Variants in USP32 observed in about 807,000 individuals in gnomAD.
USP32 encodes ubiquitin carboxyl-terminal hydrolase 32.
Under a neutral mutation model 204.8 loss-of-function variants are expected in USP32, and 59 were observed. That is an observed-to-expected ratio of 0.29 (90% CI 0.23 to 0.36). The LOEUF is 0.36. Among genes scored for constraint, USP32 ranks in the 10% least tolerant of loss-of-function variants. The pLI, the probability that USP32 is intolerant of heterozygous loss-of-function variation, is 1.00. For synonymous variants in USP32, 517 were observed against 678.4 expected (o/e 0.76, Z 3.70); for missense variants, 1,160 against 1,946.4 (o/e 0.60, Z 7.60).
rs879912809 is a variant in USP32 at position 60,359,869 on chromosome 17, A to ATT, written c.59-14263_59-14262dup. Among the ~76,000 whole-genome samples the ATT allele has an allele frequency of 4.4e-4, 62 of 142,060 alleles. 1 individual carries two copies. The East Asian group carries it at 0.011, about 25-fold the overall frequency. 93.2% of individuals were successfully genotyped at this position (142,060 alleles called of 152,430 possible). A position where few individuals can be genotyped will look rare whatever the true frequency, so the allele number is the denominator to read the frequency against. On this transcript the variant is annotated intron_variant, in intron 1 of 33. Coordinates refer to ENST00000300896, the MANE Select transcript of USP32 (RefSeq NM_032582.4). ...ACATGACAATGTTTGTAAGACAAAGATTTTTTTTTTTTTTTTGAGATGGAG... is the reference window on the plus strand; with the variant it reads ...ACATGACAATGTTTGTAAGACAAAGATTTTTTTTTTTTTTTTTTGAGATGGAG...
At chr17:60,291,234 T>G (rs1042240780) in intron 4 of USP32, among the ~76,000 whole-genome samples, 2 of 152,196 alleles carry the variant, frequency 1.3e-5, no homozygotes, top group African/African-American at 4.8e-5. Context: ...TTGGGAATCA[T>G]TCCACATAAC....
At chr17:60,204,466 C>CTTT (rs748141290) in intron 26 of USP32, among the ~76,000 whole-genome samples, 22 of 129,410 alleles carry the variant, frequency 1.7e-4, no homozygotes, top group African/African-American at 5.1e-4. Flanking sequence ...TTAGGAGATA[C>CTTT]TTTTTTTTTT....
intron 11 of USP32, among the ~76,000 whole-genome samples, chr17:60,248,497 A>G (rs943218595): frequency 6.6e-6 from 1 of 152,148 alleles, no homozygotes; most frequent in Non-Finnish European, 1.5e-5. Flanking sequence ...ATATTTTGGT[A>G]GACTTGATCA....
chr17:60,400,756 C>T (rs2089928874), intron 1 of USP32, among the ~76,000 whole-genome samples: 1 of 152,176 alleles, frequency 6.6e-6, no homozygotes, highest in African/African-American at 2.4e-5. Context: ...TGCAGTGGCT[C>T]ATGCCTGTAA....
At chr17:60,327,132 A>G (rs117887047) in intron 2 of USP32, among the ~76,000 whole-genome samples, 1,566 of 152,356 alleles carry the variant, frequency 0.01, 8 homozygotes, top group Non-Finnish European at 0.017. Flanking sequence ...CAGATTTTTT[A>G]ATGTTCCCAA....
rs911605696 is a variant in USP32 at position 60,251,707 on chromosome 17, G to A, written c.1136+674C>T. 7.2e-5 allele frequency among the ~76,000 whole-genome samples: 11 copies of A among 152,006 alleles called. No individual in the cohort carries two copies. In the East Asian group the frequency reaches 1.2e-3, roughly 16 times the overall value. ...TACCTTTGTTTTTTAAATATAATCC[G>A]GATATTTGATCTTAAGTAATTTATC... is the stretch of plus-strand genomic sequence containing the variant. On this transcript the variant is annotated intron_variant, in intron 11 of 33. Transcript: ENST00000300896.
At chr17:60,293,096 A>G (rs1163927091) in intron 4 of USP32, among the ~76,000 whole-genome samples, 2 of 152,196 alleles carry the variant, frequency 1.3e-5, no homozygotes, top group Non-Finnish European at 2.9e-5. Flanking sequence ...GATAGACCTA[A>G]GCATTCTATA....
intron 2 of USP32, among the ~76,000 whole-genome samples, chr17:60,319,771 C>T (rs867997559): frequency 6.6e-6 from 1 of 151,934 alleles, no homozygotes; most frequent in Non-Finnish European, 1.5e-5. Flanking sequence ...CAGAGTGAGA[C>T]CCCATCTCAA....
At chr17:60,413,868 AAAAAAAAG>A (rs1238470144) in intron 1 of USP32, among the ~76,000 whole-genome samples, 6 of 145,762 alleles carry the variant, frequency 4.1e-5, no homozygotes, top group African/African-American at 1.6e-4. Flanking sequence ...TCTCAAAAAA[AAAAAAAAG>A]AAAAAAAAAA....
At chr17:60,422,040 G>T in intron 1 of USP32, 1 of 819,428 alleles carries the variant, frequency 1.2e-6, no homozygotes, top group Non-Finnish European at 1.5e-6. Context: ...CCAGCACGGA[G>T]GGCTTATTAT....
intron 1 of USP32, among the ~76,000 whole-genome samples, chr17:60,398,433 C>T (rs1317010693): frequency 6.6e-6 from 1 of 151,758 alleles, no homozygotes; most frequent in Non-Finnish European, 1.5e-5. Flanking sequence ...TTTTGGCAAC[C>T]CTGTTTAGTC....
intron 1 of USP32, among the ~76,000 whole-genome samples, chr17:60,385,673 C>T (rs1409173596): frequency 2.6e-5 from 4 of 151,916 alleles, no homozygotes; most frequent in African/African-American, 9.7e-5. Flanking sequence ...AAAACCCTGT[C>T]TCTACTAAAA....
chr17:60,340,075 G>T (rs1221544748), intron 2 of USP32, among the ~76,000 whole-genome samples: 1 of 151,966 alleles, frequency 6.6e-6, no homozygotes, highest in African/African-American at 2.4e-5. Flanking sequence ...AGACTTAAAG[G>T]TCCAAGCTCT....
chr17:60,260,607 T>C (rs965043229), intron 9 of USP32, among the ~76,000 whole-genome samples: 3 of 151,922 alleles, frequency 2.0e-5, no homozygotes, highest in African/African-American at 7.2e-5. Flanking sequence ...AATCTATATA[T>C]AATTTTCTAT....
At chr17:60,298,367 T>C (rs1051474724) in intron 3 of USP32, among the ~76,000 whole-genome samples, 54 of 152,174 alleles carry the variant, frequency 3.5e-4, no homozygotes, top group African/African-American at 1.3e-3. Flanking sequence ...GCTATAACCC[T>C]TTATAAGAAA....
At chr17:60,301,805 A>G (rs1409440361) in intron 2 of USP32, 101 bp from the exon 3 acceptor site, 2 of 750,642 alleles carry the variant, frequency 2.7e-6, no homozygotes, top group African/African-American at 3.7e-5. Flanking sequence ...CCTCCACAAC[A>G]GGCCCTGGTA....
intron 1 of USP32, among the ~76,000 whole-genome samples, chr17:60,419,947 C>T (rs1340602037): frequency 6.7e-6 from 1 of 148,456 alleles, no homozygotes; most frequent in Non-Finnish European, 1.5e-5. Context: ...GCAACCTCTG[C>T]CTCCCGAGTT....
intron 1 of USP32, 114 bp from the exon 2 acceptor site, chr17:60,345,722 C>T (rs1426329811): frequency 3.0e-6 from 4 of 1,353,884 alleles, no homozygotes; most frequent in African/African-American, 1.5e-5. Context: ...TGGCTCACGC[C>T]TATAATCCCA....
At chr17:60,384,400 C>T (rs1327602520) in intron 1 of USP32, among the ~76,000 whole-genome samples, 2 of 152,154 alleles carry the variant, frequency 1.3e-5, no homozygotes, top group Non-Finnish European at 2.9e-5. Flanking sequence ...CATAGTTTTG[C>T]TTTTAATGCG....
Sources: gnomAD v4.1 joint callset for allele counts (sites outside exome capture counted in the v4.1 genomes callset) on GRCh38, gnomAD v4.1.1 for gene constraint, MANE v1.5 for transcripts, NCBI Gene and HGNC (gene_info 2026-07-23, HGNC 2026-07-21) for gene names.